The following OPA3 variants were observed in gnomAD, a reference collection of about 807,000 sequenced individuals.
The protein encoded by OPA3 is outer mitochondrial membrane lipid metabolism regulator OPA3, also known as optic atrophy 3 protein.
A neutral mutation model predicts 4.0 loss-of-function variants in OPA3; 6 were observed. The observed-to-expected ratio is 1.51, with a 90% CI of 0.83 to 2.99. OPA3 has a LOEUF of 2.99. OPA3 is among the 30% of genes most tolerant of loss of function. OPA3 has a pLI of 0.00. For missense variants in OPA3, 235 were observed against 256.2 expected (o/e 0.92, Z 0.56); for synonymous variants, 105 against 117.1 (o/e 0.90, Z 0.67).
In OPA3 at chr19:45,548,391, C is replaced by T. The variant is rs1969281817; in HGVS notation, c.*5123G>A. The T allele has an allele frequency of 4.1e-6, 4 of 985,574 alleles. No individual in the cohort carries two copies. Among genetic ancestry groups the T allele is most frequent in the Non-Finnish European group, 4.8e-6 (4 of 830,024 alleles). The allele number at this position is 985,574 out of a possible 1,614,324, so 61.1% of individuals were successfully genotyped here. On this transcript the variant is annotated 3_prime_UTR_variant, in exon 2 of 2. Coordinates refer to ENST00000263275, the MANE Select transcript of OPA3 (RefSeq NM_025136.4). ...TGCCAGGAGATGGGAGGGGCACAGC[C>T]CTCAGGGCACCTCCCAGGGTTTTGT...
rs539903027 is a variant in OPA3, at chr19:45,529,141, C to T, written c.458G>A (p.Arg153His). Residue 153 changes from arginine to histidine, a missense_variant, in exon 2 of 2, where the codon CGC becomes CAC. By Grantham distance (29) the Arg-to-His change is conservative (BLOSUM62 0). Coordinates refer to the OPA3 transcript ENST00000323060. ...GGCTCGCACCTCCTGCAGCTGAGCGCGCAGCTCCTCCAGGGCGAGCTGCGT... is the reference window on the plus strand; with the variant it reads ...GGCTCGCACCTCCTGCAGCTGAGCGTGCAGCTCCTCCAGGGCGAGCTGCGT... 3.2e-5 allele frequency: 52 copies of T among 1,609,308 alleles called. No individual in the cohort carries two copies. Among genetic ancestry groups the T allele is most frequent in the Admixed American group, 5.0e-5 (3 of 59,906 alleles).
At chr19:45,536,810 T>C (rs1469136416) in intron 1 of OPA3, among the ~76,000 whole-genome samples, 1 of 152,130 alleles carries the variant, frequency 6.6e-6, no homozygotes, top group African/African-American at 2.4e-5. Flanking sequence ...TTAAGACACG[T>C]TGGATCACTT....
At chr19:45,568,610 C>A (rs888539700) in intron 1 of OPA3, among the ~76,000 whole-genome samples, 5 of 152,104 alleles carry the variant, frequency 3.3e-5, no homozygotes, top group African/African-American at 1.2e-4. Context: ...TACAGCAACC[C>A]GAGACTGCAG....
chr19:45,557,691 C>T (rs1599969795), intron 1 of OPA3, among the ~76,000 whole-genome samples: 1 of 152,196 alleles, frequency 6.6e-6, no homozygotes, highest in South Asian at 2.1e-4. Flanking sequence ...TCCATCCCAG[C>T]TCTGACCAAC....
intron 1 of OPA3, among the ~76,000 whole-genome samples, chr19:45,563,868 T>TA (rs1199485899): frequency 1.3e-5 from 2 of 150,796 alleles, no homozygotes; most frequent in Admixed American, 1.3e-4. Context: ...TTTTTTTTTT[T>TA]AAATACAGAT....
Position 45,548,754 on chromosome 19 carries a change from T to A in OPA3, c.*4760A>T. ...TCAGTGAGTTTTTTGAGTGAAAGAA[T>A]AAATAAAGGATATTTTTCCTAAGGT... On this transcript the variant is annotated 3_prime_UTR_variant, in exon 2 of 2. Coordinates refer to ENST00000263275, the MANE Select transcript of OPA3 (RefSeq NM_025136.4). 2.0e-6 allele frequency: 2 copies of A among 977,014 alleles called. No individual in the cohort carries two copies. The highest frequency in any genetic ancestry group is 2.4e-6 in the Non-Finnish European group (2 of 822,500). 60.5% of individuals were successfully genotyped at this position (977,014 alleles called of 1,614,324 possible). A position where few individuals can be genotyped will look rare whatever the true frequency, so the allele number is the denominator to read the frequency against.
intron 1 of OPA3, among the ~76,000 whole-genome samples, chr19:45,569,098 G>T (rs549975343): frequency 6.6e-6 from 1 of 152,278 alleles, no homozygotes; most frequent in East Asian, 1.9e-4. Flanking sequence ...TCCCAGGCCT[G>T]GAGAGACCAA....
downstream of OPA3, among the ~76,000 whole-genome samples, chr19:45,543,912 T>C (rs2122403234): frequency 1.3e-5 from 2 of 152,346 alleles, no homozygotes; most frequent in South Asian, 4.1e-4. Context: ...CTACCTGATA[T>C]CCTTCCAGTA....
chr19:45,573,955 G>C (rs1969727193), intron 1 of OPA3, among the ~76,000 whole-genome samples: 1 of 152,112 alleles, frequency 6.6e-6, no homozygotes, highest in Non-Finnish European at 1.5e-5. Context: ...TTGAGGTCAG[G>C]AGTTGGAGAC....
intron 1 of OPA3, among the ~76,000 whole-genome samples, chr19:45,573,392 G>A (rs150452593): frequency 0.012 from 1,828 of 152,016 alleles, 42 homozygotes; most frequent in African/African-American, 0.041. Flanking sequence ...TGGAGGTTGC[G>A]GTGAGCTGAG....
At chr19:45,561,071 C>T (rs981625579) in intron 1 of OPA3, among the ~76,000 whole-genome samples, 3 of 152,144 alleles carry the variant, frequency 2.0e-5, no homozygotes, top group African/African-American at 4.8e-5. Context: ...CGGTGGCTCA[C>T]GCCTGTAATC....
At chr19:45,579,112 T>C (rs1053489189) in intron 1 of OPA3, among the ~76,000 whole-genome samples, 4 of 152,190 alleles carry the variant, frequency 2.6e-5, no homozygotes, top group African/African-American at 9.7e-5. Context: ...ATATTTTCAG[T>C]GAGTTCTCCC....
chr19:45,560,476 A>G, intron 1 of OPA3, among the ~76,000 whole-genome samples: 1 of 152,062 alleles, frequency 6.6e-6, no homozygotes, highest in East Asian at 1.9e-4. Context: ...GACAATGGGT[A>G]TGGCTCCTGT....
chr19:45,561,013 G>A (rs1429577300), intron 1 of OPA3, among the ~76,000 whole-genome samples: 1 of 152,168 alleles, frequency 6.6e-6, no homozygotes, highest in East Asian at 1.9e-4. Context: ...CCTCCGTGGT[G>A]GGGGACCGGG....
At chr19:45,540,648 C>CT (rs1245807065) in intron 1 of OPA3, among the ~76,000 whole-genome samples, 2 of 151,218 alleles carry the variant, frequency 1.3e-5, no homozygotes, top group Non-Finnish European at 2.9e-5. Flanking sequence ...GGCGGATCAC[C>CT]TGAAGTCAGG....
rs1599958236 is a variant in OPA3, at chr19:45,548,381, G to A, written c.*5133C>T. The A allele has an allele frequency of 4.1e-6, 4 of 985,488 alleles. No homozygotes were observed. Among genetic ancestry groups the A allele is most frequent in the Non-Finnish European group, 4.8e-6 (4 of 830,044 alleles). The allele number at this position is 985,488 out of a possible 1,614,324, so 61.0% of individuals were successfully genotyped here. ...CAGCAGGGCCTGCCAGGAGATGGGAGGGGCACAGCCCTCAGGGCACCTCCC... is the reference window on the plus strand; with the variant it reads ...CAGCAGGGCCTGCCAGGAGATGGGAAGGGCACAGCCCTCAGGGCACCTCCC... On this transcript the variant is annotated 3_prime_UTR_variant, in exon 2 of 2. Transcript: ENST00000263275.
chr19:45,563,659 A>G (rs998473469), intron 1 of OPA3, among the ~76,000 whole-genome samples: 1 of 148,450 alleles, frequency 6.7e-6, no homozygotes. Flanking sequence ...GCGATCAAAC[A>G]GTCCTCCCAC....
intron 1 of OPA3, among the ~76,000 whole-genome samples, chr19:45,531,485 T>C (rs1969061076): frequency 6.6e-6 from 1 of 152,202 alleles, no homozygotes; most frequent in Non-Finnish European, 1.5e-5. Flanking sequence ...ACACTAGCTG[T>C]TCTCTGGGCT....
intron 1 of OPA3, among the ~76,000 whole-genome samples, chr19:45,572,767 CTATATATATCATACTATATATAGA>C (rs71173183): frequency 0.27 from 30,904 of 113,688 alleles, 4,564 homozygotes; most frequent in Middle Eastern, 0.35. Context: ...CGATATATAT[CTATATATATCATACTATATATAGA>C]TATATATATC....
Sources: allele counts gnomAD v4.1 joint callset (sites outside exome capture counted in the v4.1 genomes callset), GRCh38; gene constraint gnomAD v4.1.1; transcripts MANE v1.5; gene names NCBI Gene and HGNC (gene_info 2026-07-23, HGNC 2026-07-21).